Variants in ZDHHC2 observed in about 807,000 individuals in gnomAD.
The protein encoded by ZDHHC2 is palmitoyltransferase ZDHHC2.
In ZDHHC2, 51 loss-of-function variants were observed where a neutral mutation model predicts 55.6. The ratio of observed to expected loss-of-function variants is 0.92; its 90% CI spans 0.73 to 1.16. The LOEUF (loss-of-function observed/expected upper bound fraction) is 1.16, where lower values mean the gene tolerates loss of function less well. ZDHHC2 is among the 50% of genes most tolerant of loss of function. The pLI, the probability that ZDHHC2 is intolerant of heterozygous loss-of-function variation, is 0.00. For missense variants in ZDHHC2, 491 were observed against 442.4 expected, an observed-to-expected ratio of 1.11 and a Z score of -0.99; for synonymous variants, 199 against 152.9, an observed-to-expected ratio of 1.30 and a Z score of -2.22.
intron 2 of ZDHHC2, among the ~76,000 whole-genome samples, chr8:17,185,624 C>T (rs576182675): frequency 5.3e-5 from 8 of 152,162 alleles, no homozygotes; most frequent in African/African-American, 1.4e-4. Context: ...TGAGCCACTG[C>T]ACTCCAGCCT....
chr8:17,163,226 G>A (rs760251966), intron 1 of ZDHHC2, among the ~76,000 whole-genome samples: 1 of 152,212 alleles, frequency 6.6e-6, no homozygotes, highest in African/African-American at 2.4e-5. Context: ...CTGCTGCCTG[G>A]CAGCCGGTCA....
chr8:17,206,922 A>G (rs955142207), intron 7 of ZDHHC2, among the ~76,000 whole-genome samples: 1 of 152,176 alleles, frequency 6.6e-6, no homozygotes, highest in Non-Finnish European at 1.5e-5. Context: ...TTCTATTGCT[A>G]AGCATAGAAA....
rs1210911498 is a variant in ZDHHC2 at position 17,207,686 on chromosome 8, T to G, written c.598-274T>G. Reference sequence around the variant, plus strand: ...TGCTTCGTATTACAGTTTATACATATACTACCATAAATTTTCTATGATTTG... The same window carrying G: ...TGCTTCGTATTACAGTTTATACATAGACTACCATAAATTTTCTATGATTTG... On this transcript the variant is annotated intron_variant, in intron 7 of 12. Coordinates refer to ENST00000262096, the MANE Select transcript of ZDHHC2 (RefSeq NM_016353.5). Among the ~76,000 whole-genome samples, 2 of 152,152 alleles carry G rather than the reference T, an allele frequency of 1.3e-5. 1 individual carries two copies. The highest frequency in any genetic ancestry group is 1.3e-4 in the Admixed American group (2 of 15,262).
At chr8:17,208,165 A>T in intron 8 of ZDHHC2, 73 bp downstream of exon 8, 1 of 1,399,892 alleles carries the variant, frequency 7.1e-7, no homozygotes, top group Non-Finnish European at 9.4e-7. Flanking sequence ...TTGCTATGTG[A>T]TTAAATGCCA....
chr8:17,165,672 T>C (rs891119210), intron 1 of ZDHHC2, among the ~76,000 whole-genome samples: 4 of 152,000 alleles, frequency 2.6e-5, no homozygotes, highest in African/African-American at 9.7e-5. Context: ...GGAAGGAAAA[T>C]GAAATAAAAA....
chr8:17,171,144 G>A (rs1003740560), intron 1 of ZDHHC2, among the ~76,000 whole-genome samples: 5 of 152,158 alleles, frequency 3.3e-5, no homozygotes, highest in African/African-American at 1.2e-4. Flanking sequence ...TGGAAAGGAG[G>A]GGGGTGGGGC....
rs977540590 is a variant in ZDHHC2 at position 17,198,460 on chromosome 8, T to C, written c.476+47T>C. ...ACAAGTTTGTGTCCCTTGTAAATGT[T>C]AATAAATTAAATCACTTATCCATGT... On this transcript the variant is annotated intron_variant, in intron 6 of 12. Transcript: ENST00000262096. 4.6e-6 allele frequency: 7 copies of C among 1,524,448 alleles called. No individual in the cohort carries two copies. The South Asian group carries it at 7.7e-5, about 17-fold the overall frequency. 94.4% of individuals were successfully genotyped at this position (1,524,448 alleles called of 1,614,324 possible).
intron 1 of ZDHHC2, among the ~76,000 whole-genome samples, chr8:17,158,993 A>G (rs1804202348): frequency 6.6e-6 from 1 of 152,250 alleles, no homozygotes; most frequent in Admixed American, 6.5e-5. Context: ...TCTAGATTCT[A>G]GAGTCTAAGA....
Position 17,217,247 on chromosome 8 carries a change from G to C in ZDHHC2, c.*34+1G>C. 2 of 1,584,860 alleles carry C rather than the reference G, an allele frequency of 1.3e-6. No individual in the cohort carries two copies. The highest frequency in any genetic ancestry group is 1.7e-6 in the Non-Finnish European group (2 of 1,163,852). On this transcript the variant is annotated splice_donor_variant, in intron 12 of 12. Coordinates refer to ENST00000262096, the MANE Select transcript of ZDHHC2 (RefSeq NM_016353.5). LOFTEE classifies it low-confidence loss of function (3UTR_SPLICE). Reference sequence around the variant, plus strand: ...CAAGATAAATTCATACTTTATAAAAGTACGATAATTTTCCCTTTATTGTTT... The same window carrying C: ...CAAGATAAATTCATACTTTATAAAACTACGATAATTTTCCCTTTATTGTTT...
chr8:17,210,118 G>A, intron 9 of ZDHHC2, 60 bp downstream of exon 9: 1 of 1,521,838 alleles, frequency 6.6e-7, no homozygotes, highest in South Asian at 1.3e-5. Flanking sequence ...GCAAAAGATA[G>A]TTTCAGGAAA....
At chr8:17,180,532 G>A (rs569372204) in intron 1 of ZDHHC2, among the ~76,000 whole-genome samples, 19 of 151,872 alleles carry the variant, frequency 1.3e-4, no homozygotes, top group African/African-American at 4.3e-4. Context: ...TTTCCTATAC[G>A]TTATACATTA....
intron 1 of ZDHHC2, among the ~76,000 whole-genome samples, chr8:17,160,442 C>T (rs1297241349): frequency 6.6e-6 from 1 of 152,178 alleles, no homozygotes; most frequent in Non-Finnish European, 1.5e-5. Flanking sequence ...AAAGGTCATC[C>T]AGGCTAACCC....
chr8:17,181,789 C>A (rs995762894), intron 1 of ZDHHC2, among the ~76,000 whole-genome samples: 1 of 152,106 alleles, frequency 6.6e-6, no homozygotes, highest in Admixed American at 6.5e-5. Flanking sequence ...TGATTACCAT[C>A]TATATTGTTT....
In ZDHHC2 at chr8:17,197,623, C is replaced by A. The variant is rs768223009; in HGVS notation, c.415C>A (p.Arg139Ser). Residue 139 changes from arginine (R) to serine (S), a missense_variant, in exon 5 of 13, where the codon CGC (arginine) becomes AGC (serine). Physicochemically the swap from Arg to Ser is moderately radical, Grantham distance 110 (BLOSUM62 -1). Coordinates refer to ENST00000262096, the MANE Select transcript of ZDHHC2 (RefSeq NM_016353.5). ...CDRCQLIKPD[R>S]CHHCSVCDKC... ...CAGATGCCAACTTATAAAACCAGATCGCTGCCATCACTGCTCCGTCTGTGA... is the reference window on the plus strand; with the variant it reads ...CAGATGCCAACTTATAAAACCAGATAGCTGCCATCACTGCTCCGTCTGTGA... 7 of 1,613,780 alleles carry A rather than the reference C, an allele frequency of 4.3e-6. No individual in the cohort carries two copies. The highest frequency in any genetic ancestry group is 5.9e-6 in the Non-Finnish European group (7 of 1,179,746).
intron 5 of ZDHHC2, 57 bp downstream of exon 5, chr8:17,197,708 A>G (rs376503216): frequency 1.2e-5 from 18 of 1,502,892 alleles, no homozygotes; most frequent in Non-Finnish European, 1.5e-5. Context: ...TTTCTTCATT[A>G]TGTTTCTTTT....
intron 1 of ZDHHC2, among the ~76,000 whole-genome samples, chr8:17,173,340 T>G (rs557590690): frequency 1.3e-5 from 2 of 152,244 alleles, no homozygotes; most frequent in African/African-American, 4.8e-5. Context: ...AATACCAACC[T>G]CACAGATTGT....
intron 8 of ZDHHC2, among the ~76,000 whole-genome samples, chr8:17,208,690 A>C (rs371801355): frequency 1.1e-4 from 16 of 152,330 alleles, no homozygotes; most frequent in South Asian, 6.2e-4. Context: ...TGGAATTCTC[A>C]AATGAAATCA....
At chr8:17,217,661 C>G (rs932331626) in intron 12 of ZDHHC2, among the ~76,000 whole-genome samples, 1 of 152,118 alleles carries the variant, frequency 6.6e-6, no homozygotes, top group African/African-American at 2.4e-5. Flanking sequence ...AGTCGAAGTG[C>G]AATATAATTA....
intron 6 of ZDHHC2, among the ~76,000 whole-genome samples, chr8:17,200,366 C>G (rs1231158588): frequency 6.6e-6 from 1 of 152,260 alleles, no homozygotes; most frequent in African/African-American, 2.4e-5. Context: ...TCCTTCCTGT[C>G]TCAAATGAAC....
Sources: gnomAD v4.1 joint callset for allele counts (sites outside exome capture counted in the v4.1 genomes callset) on GRCh38, gnomAD v4.1.1 for gene constraint, MANE v1.5 for transcripts, NCBI Gene and HGNC (gene_info 2026-07-23, HGNC 2026-07-21) for gene names.